Variants in NKAIN3 observed in about 807,000 individuals in gnomAD.
The protein encoded by NKAIN3 is sodium/potassium transporting ATPase interacting 3.
A neutral mutation model predicts 30.2 loss-of-function variants in NKAIN3; 25 were observed. The ratio of observed to expected loss-of-function variants is 0.83; its 90% CI spans 0.60 to 1.16. NKAIN3 has a LOEUF of 1.16. NKAIN3 is among the 50% of genes most tolerant of loss of function. The probability of loss-of-function intolerance (pLI) is 0.00; values close to 1 mark genes in which losing one functional copy is unlikely to be tolerated. For synonymous variants in NKAIN3, 91 were observed against 89.6 expected, an observed-to-expected ratio of 1.02 and a Z score of -0.09; for missense variants, 225 against 254.1, an observed-to-expected ratio of 0.89 and a Z score of 0.78.
rs140999873 is a variant in NKAIN3, at chr8:62,295,860, A to G, written c.54+46733A>G. Among the ~76,000 whole-genome samples the G allele has an allele frequency of 4.2e-3, 645 of 152,336 alleles. 2 individuals are homozygous for G. The highest frequency in any genetic ancestry group is 0.015 in the African/African-American group (605 of 41,594). ...AAGCTACTTTAGACCAGCAAATTCT[A>G]TGTGCTGGGGATATAGCAATGAACA... On this transcript the variant is annotated intron_variant, in intron 1 of 6. Transcript: ENST00000623646.
chr8:62,296,393 A>G (rs577263535), intron 1 of NKAIN3, among the ~76,000 whole-genome samples: 19 of 152,270 alleles, frequency 1.2e-4, no homozygotes, highest in African/African-American at 4.3e-4. Context: ...ACCTACCACT[A>G]ATTTGTGTGG....
At chr8:62,852,737 G>A (rs892968071) in intron 4 of NKAIN3, among the ~76,000 whole-genome samples, 4 of 152,122 alleles carry the variant, frequency 2.6e-5, no homozygotes, top group Admixed American at 2.6e-4. Flanking sequence ...GGAGCAGGTT[G>A]TTCTGTTTCC....
intron 3 of NKAIN3, among the ~76,000 whole-genome samples, chr8:62,711,544 A>C (rs1287729613): frequency 6.6e-6 from 1 of 151,944 alleles, no homozygotes. Flanking sequence ...GACTTTCCAG[A>C]GCATTTTGCA....
intron 3 of NKAIN3, among the ~76,000 whole-genome samples, chr8:62,726,330 T>G (rs577241773): frequency 1.5e-4 from 23 of 152,178 alleles, no homozygotes; most frequent in African/African-American, 5.5e-4. Flanking sequence ...CCTATTACTC[T>G]AGCTAGTTCA....
At chr8:62,612,887 A>G (rs1811338600) in intron 3 of NKAIN3, among the ~76,000 whole-genome samples, 1 of 152,124 alleles carries the variant, frequency 6.6e-6, no homozygotes, top group Non-Finnish European at 1.5e-5. Flanking sequence ...AAGCAAAAAG[A>G]AAGCTAATAA....
chr8:62,797,011 A>G (rs1281592500), intron 4 of NKAIN3, among the ~76,000 whole-genome samples: 1 of 152,234 alleles, frequency 6.6e-6, no homozygotes, highest in Non-Finnish European at 1.5e-5. Flanking sequence ...TTAGAGAACA[A>G]TAGCCCCTCT....
At chr8:62,652,876 G>C (rs1214633074) in intron 3 of NKAIN3, among the ~76,000 whole-genome samples, 2 of 152,108 alleles carry the variant, frequency 1.3e-5, no homozygotes, top group Non-Finnish European at 2.9e-5. Flanking sequence ...CAGTGTTAGA[G>C]CAAAGTCAAA....
At chr8:62,465,188 A>G (rs926988697) in intron 1 of NKAIN3, among the ~76,000 whole-genome samples, 3 of 152,182 alleles carry the variant, frequency 2.0e-5, no homozygotes, top group African/African-American at 4.8e-5. Flanking sequence ...TTCTTAAATT[A>G]TCATTATTGT....
chr8:62,656,947 A>C (rs1812780317), intron 3 of NKAIN3, among the ~76,000 whole-genome samples: 1 of 152,206 alleles, frequency 6.6e-6, no homozygotes, highest in African/African-American at 2.4e-5. Flanking sequence ...TATCATGAGA[A>C]ATGAATCATT....
intron 1 of NKAIN3, among the ~76,000 whole-genome samples, chr8:62,452,491 A>C (rs1252753104): frequency 6.6e-6 from 1 of 152,040 alleles, no homozygotes; most frequent in East Asian, 1.9e-4. Flanking sequence ...TAAATAAATA[A>C]ATAAATAAAC....
At chr8:62,369,175 A>G (rs1816830237) in intron 1 of NKAIN3, among the ~76,000 whole-genome samples, 1 of 152,058 alleles carries the variant, frequency 6.6e-6, no homozygotes, top group African/African-American at 2.4e-5. Flanking sequence ...GCTGCCCTAA[A>G]TAAAGGACCT....
intron 1 of NKAIN3, among the ~76,000 whole-genome samples, chr8:62,388,255 A>C (rs1037826303): frequency 3.9e-5 from 6 of 152,236 alleles, no homozygotes; most frequent in Non-Finnish European, 8.8e-5. Flanking sequence ...TTGGGACCCC[A>C]AAATTGTTCT....
chr8:62,621,926 C>T (rs1253696015), intron 3 of NKAIN3, among the ~76,000 whole-genome samples: 1 of 152,088 alleles, frequency 6.6e-6, no homozygotes, highest in Non-Finnish European at 1.5e-5. Flanking sequence ...GATCCTTCAA[C>T]TTACCCTTTT....
chr8:62,446,593 C>T (rs1352131236), intron 1 of NKAIN3, among the ~76,000 whole-genome samples: 2 of 152,066 alleles, frequency 1.3e-5, no homozygotes, highest in East Asian at 1.9e-4. Flanking sequence ...AACTGAAACT[C>T]TATGTCCATT....
At chr8:62,832,989 T>C (rs148233118) in intron 4 of NKAIN3, among the ~76,000 whole-genome samples, 3 of 152,124 alleles carry the variant, frequency 2.0e-5, no homozygotes, top group East Asian at 1.9e-4. Flanking sequence ...ATACGAACCA[T>C]TGTTTTGGAC....
At chr8:62,329,572 A>T (rs1343558179) in intron 1 of NKAIN3, among the ~76,000 whole-genome samples, 1 of 152,144 alleles carries the variant, frequency 6.6e-6, no homozygotes, top group Non-Finnish European at 1.5e-5. Flanking sequence ...GTTTCCACTT[A>T]TAAGTGAGAA....
At chr8:62,856,824 G>C (rs536274797) in intron 4 of NKAIN3, 2 of 611,856 alleles carry the variant, frequency 3.3e-6, no homozygotes, top group East Asian at 3.2e-5. Flanking sequence ...CTGCACTATA[G>C]AGCATCACTG....
At chr8:62,598,435 C>A (rs1392470329) in intron 3 of NKAIN3, among the ~76,000 whole-genome samples, 1 of 151,930 alleles carries the variant, frequency 6.6e-6, no homozygotes, top group Non-Finnish European at 1.5e-5. Flanking sequence ...AGGGTGGGGA[C>A]ATAACTCCAA....
At chr8:62,804,917 A>C (rs1818215047) in intron 4 of NKAIN3, among the ~76,000 whole-genome samples, 1 of 152,232 alleles carries the variant, frequency 6.6e-6, no homozygotes, top group Non-Finnish European at 1.5e-5. Flanking sequence ...GTCTCAGCCC[A>C]AAATCTCCTT....
Sources: gnomAD v4.1 joint callset for allele counts (sites outside exome capture counted in the v4.1 genomes callset) on GRCh38, gnomAD v4.1.1 for gene constraint, MANE v1.5 for transcripts, NCBI Gene and HGNC (gene_info 2026-07-23, HGNC 2026-07-21) for gene names.